Variants in DPYD observed in about 807,000 individuals in gnomAD.
DPYD encodes dihydropyrimidine dehydrogenase.
A neutral mutation model predicts 116.2 loss-of-function variants in DPYD; 109 were observed. The observed-to-expected ratio is 0.94, with a 90% confidence interval of 0.80 to 1.10. DPYD has a LOEUF of 1.10. Ranked by LOEUF, DPYD falls within the 50% of genes least tolerant of loss-of-function variation. The pLI is 0.00. For missense variants in DPYD, 1,302 were observed against 1,254.5 expected (o/e 1.04, Z -0.57); for synonymous variants, 440 against 432.0 (o/e 1.02, Z -0.23).
At chr1:97,094,506 G>A (rs1650102668) in intron 21 of DPYD, among the ~76,000 whole-genome samples, 1 of 152,130 alleles carries the variant, frequency 6.6e-6, no homozygotes, top group African/African-American at 2.4e-5. Flanking sequence ...TTGTGAATAG[G>A]ATGAGTAATA....
chr1:97,532,874 T>C (rs1557778529), intron 12 of DPYD, among the ~76,000 whole-genome samples: 2 of 151,598 alleles, frequency 1.3e-5, no homozygotes, highest in Non-Finnish European at 2.9e-5. Flanking sequence ...CTCTAATCTT[T>C]ATTATTTCCA....
intron 12 of DPYD, among the ~76,000 whole-genome samples, chr1:97,548,280 A>C (rs1176626579): frequency 6.6e-6 from 1 of 152,224 alleles, no homozygotes; most frequent in Non-Finnish European, 1.5e-5. Context: ...TCACAGAACA[A>C]AAAGAAAACA....
chr1:97,873,415 T>A (rs1671753838), intron 2 of DPYD, among the ~76,000 whole-genome samples: 1 of 151,784 alleles, frequency 6.6e-6, no homozygotes, highest in Non-Finnish European at 1.5e-5. Context: ...CCAAAAATAT[T>A]CAGGAGATAA....
intron 2 of DPYD, among the ~76,000 whole-genome samples, chr1:97,840,258 A>G (rs1264551990): frequency 2.0e-5 from 3 of 152,118 alleles, no homozygotes; most frequent in Non-Finnish European, 4.4e-5. Flanking sequence ...AAAAAAACCC[A>G]GAACACCCTC....
At chr1:97,828,324 T>C (rs1215116657) in intron 2 of DPYD, 128 bp from the exon 3 acceptor site, 7 of 750,450 alleles carry the variant, frequency 9.3e-6, no homozygotes, top group East Asian at 8.2e-5. Flanking sequence ...ACCACTTTAA[T>C]TGGGTAGCAT....
intron 8 of DPYD, among the ~76,000 whole-genome samples, chr1:97,608,647 G>A (rs953076354): frequency 6.6e-6 from 1 of 151,738 alleles, no homozygotes; most frequent in African/African-American, 2.4e-5. Context: ...TGACCTAAGT[G>A]CTCTTGAATT....
chr1:97,879,595 T>C (rs1672085304), intron 2 of DPYD, among the ~76,000 whole-genome samples: 1 of 151,934 alleles, frequency 6.6e-6, no homozygotes, highest in African/African-American at 2.4e-5. Flanking sequence ...TAAACATGTT[T>C]GCCAGTTTAA....
At chr1:97,401,983 T>C (rs1489609050) in intron 14 of DPYD, among the ~76,000 whole-genome samples, 1 of 152,160 alleles carries the variant, frequency 6.6e-6, no homozygotes, top group African/African-American at 2.4e-5. Flanking sequence ...ATTGATCTAT[T>C]TGTCTATTCT....
At chr1:97,392,955 C>T (rs1487870045) in intron 14 of DPYD, among the ~76,000 whole-genome samples, 2 of 152,002 alleles carry the variant, frequency 1.3e-5, no homozygotes, top group East Asian at 3.9e-4. Context: ...TTCTTAAGGG[C>T]ATCTAGAATG....
chr1:97,832,473 T>C (rs1369672343), intron 2 of DPYD, among the ~76,000 whole-genome samples: 5 of 152,242 alleles, frequency 3.3e-5, no homozygotes, highest in Non-Finnish European at 5.9e-5. Context: ...TGCAGGATTC[T>C]GTCTACATCT....
intron 3 of DPYD, among the ~76,000 whole-genome samples, chr1:97,793,807 C>A (rs1383807928): frequency 6.6e-6 from 1 of 152,068 alleles, no homozygotes; most frequent in Non-Finnish European, 1.5e-5. Flanking sequence ...CTAGGGTAGA[C>A]AAAGATTTTT....
At chr1:97,845,125 G>A (rs1042169896) in intron 2 of DPYD, among the ~76,000 whole-genome samples, 8 of 152,178 alleles carry the variant, frequency 5.3e-5, no homozygotes, top group South Asian at 2.1e-4. Context: ...GCAGCAATAC[G>A]CAGACAGCCT....
intron 20 of DPYD, among the ~76,000 whole-genome samples, chr1:97,163,371 G>A (rs1263917042): frequency 6.6e-6 from 1 of 152,140 alleles, no homozygotes; most frequent in Non-Finnish European, 1.5e-5. Context: ...ATGTAGTTGA[G>A]GTGCTTTTCC....
intron 8 of DPYD, among the ~76,000 whole-genome samples, chr1:97,640,468 C>T (rs1657824268): frequency 6.6e-6 from 1 of 152,070 alleles, no homozygotes; most frequent in Non-Finnish European, 1.5e-5. Context: ...GCTACCATGA[C>T]CAGCTAATTT....
chr1:97,332,508 G>T (rs376567660), intron 16 of DPYD, among the ~76,000 whole-genome samples: 1 of 152,096 alleles, frequency 6.6e-6, no homozygotes, highest in African/African-American at 2.4e-5. Flanking sequence ...TGATGATTTC[G>T]TTGAGTTTTG....
intron 16 of DPYD, among the ~76,000 whole-genome samples, chr1:97,355,032 A>C (rs569789804): frequency 6.6e-6 from 1 of 152,306 alleles, no homozygotes; most frequent in Non-Finnish European, 1.5e-5. Context: ...AAGGGAACTG[A>C]CTGAATAAAA....
intron 12 of DPYD, among the ~76,000 whole-genome samples, chr1:97,532,618 T>C (rs922745778): frequency 1.3e-5 from 2 of 152,124 alleles, no homozygotes; most frequent in African/African-American, 4.8e-5. Context: ...AGGTTGTATG[T>C]TTTTAGGAAT....
chr1:97,510,937 TAGAG>T (rs756272979), intron 13 of DPYD, among the ~76,000 whole-genome samples: 2 of 151,828 alleles, frequency 1.3e-5, no homozygotes, highest in African/African-American at 4.8e-5. Context: ...TATGAAGAGA[TAGAG>T]AGAAAAGCTC....
intron 3 of DPYD, among the ~76,000 whole-genome samples, chr1:97,751,462 A>ATATATATG (rs1664909450): frequency 5.2e-5 from 1 of 19,270 alleles, no homozygotes; most frequent in African/African-American, 1.6e-4. Flanking sequence ...GTGTGTGTGT[A>ATATATATG]TATATATATA....
Sources: gnomAD v4.1 joint callset for allele counts (sites outside exome capture counted in the v4.1 genomes callset) on GRCh38, gnomAD v4.1.1 for gene constraint, MANE v1.5 for transcripts, NCBI Gene and HGNC (gene_info 2026-07-23, HGNC 2026-07-21) for gene names.